Variants in LTBP1 observed in about 807,000 individuals in gnomAD.
LTBP1 encodes the protein latent-transforming growth factor beta-binding protein 1.
A neutral mutation model predicts 207.6 loss-of-function variants in LTBP1; 129 were observed. That is an observed-to-expected ratio of 0.62 (90% CI 0.54 to 0.72). The LOEUF is 0.72. Ranked by LOEUF, LTBP1 falls within the 30% of genes least tolerant of loss-of-function variation. The pLI is 0.00. For synonymous variants in LTBP1, 963 were observed against 833.7 expected (o/e 1.16, Z -2.67); for missense variants, 2,281 against 2,217.2 (o/e 1.03, Z -0.58).
rs1182795101 is a variant in LTBP1, at chr2:33,315,256, C to G, written c.3717C>G (p.Gly1239=). ...AGGGTTTCTCAATCTCTGCAGATGG[C>G]CGTACGTGTGAAGGTAAGATAAACC... ...CQQGFSISAD[G]RTCEDIDECV... Residue 1239 remains glycine, a synonymous_variant, in exon 24 of 34, where the codon GGC becomes GGG. Coordinates refer to ENST00000404816, the MANE Select transcript of LTBP1 (RefSeq NM_206943.4). The G allele has an allele frequency of 6.2e-7, 1 of 1,612,186 alleles. No individual in the cohort carries two copies. Among genetic ancestry groups the G allele is most frequent in the African/African-American group, 1.3e-5 (1 of 74,828 alleles).
intron 22 of LTBP1, among the ~76,000 whole-genome samples, chr2:33,305,584 CT>C (rs1435307268): frequency 6.6e-6 from 1 of 152,110 alleles, no homozygotes; most frequent in Middle Eastern, 3.2e-3. Context: ...GCACTTTCCA[CT>C]TTTGATGCCC....
intron 24 of LTBP1, among the ~76,000 whole-genome samples, chr2:33,326,100 G>A (rs552491017): frequency 1.1e-4 from 17 of 151,250 alleles, no homozygotes; most frequent in Admixed American, 9.9e-4. Context: ...ACAGTGTTTT[G>A]TGTTTCATTA....
At chr2:33,274,934 C>T in intron 16 of LTBP1, 31 bp from the exon 17 acceptor site, 1 of 1,608,992 alleles carries the variant, frequency 6.2e-7, no homozygotes, top group Non-Finnish European at 8.5e-7. Flanking sequence ...CTACACAGAA[C>T]TAATATTTTT....
At chr2:33,133,636 C>T (rs745848704) in intron 4 of LTBP1, among the ~76,000 whole-genome samples, 1 of 152,008 alleles carries the variant, frequency 6.6e-6, no homozygotes, top group Non-Finnish European at 1.5e-5. Context: ...GCAGTTCTGC[C>T]GTCATAGCAC....
chr2:33,265,086 C>T (rs1214124536), intron 15 of LTBP1, among the ~76,000 whole-genome samples: 1 of 152,160 alleles, frequency 6.6e-6, no homozygotes, highest in Non-Finnish European at 1.5e-5. Flanking sequence ...TTGAGCCCAG[C>T]ACCCAGCAGA....
intron 10 of LTBP1, among the ~76,000 whole-genome samples, chr2:33,247,931 A>C (rs2092562663): frequency 6.6e-6 from 1 of 152,220 alleles, no homozygotes; most frequent in African/African-American, 2.4e-5. Context: ...TTTTTTGCCC[A>C]TGGTAACATT....
intron 32 of LTBP1, among the ~76,000 whole-genome samples, chr2:33,392,243 G>A (rs995216140): frequency 1.1e-4 from 16 of 151,344 alleles, no homozygotes; most frequent in Non-Finnish European, 2.2e-4. Context: ...GGAGTGCAAC[G>A]GTGCAATCTT....
At chr2:33,191,498 CATGA>C (rs1174286778) in intron 7 of LTBP1, among the ~76,000 whole-genome samples, 1 of 152,192 alleles carries the variant, frequency 6.6e-6, no homozygotes, top group Non-Finnish European at 1.5e-5. Context: ...TCTTCCTGTT[CATGA>C]GGAATGTTGC....
intron 9 of LTBP1, among the ~76,000 whole-genome samples, chr2:33,227,909 A>G (rs1558848436): frequency 1.4e-5 from 2 of 143,748 alleles, no homozygotes; most frequent in African/African-American, 5.2e-5. Flanking sequence ...GATTCAAGCA[A>G]TTCTCCTGCC....
At chr2:32,984,823 T>C (rs1015145536) in intron 2 of LTBP1, among the ~76,000 whole-genome samples, 20 of 151,540 alleles carry the variant, frequency 1.3e-4, no homozygotes, top group African/African-American at 4.6e-4. Context: ...CCCAGCTACT[T>C]AGAAAGCTGA....
intron 20 of LTBP1, among the ~76,000 whole-genome samples, chr2:33,299,381 C>T (rs2093941337): frequency 2.0e-5 from 3 of 152,028 alleles, no homozygotes. Context: ...TGAAGAAAAC[C>T]ACAGTCATAC....
In LTBP1 at chr2:33,275,872, T is replaced by C. The variant is rs1349119438; in HGVS notation, c.2941T>C (p.Cys981Arg). 1 of 1,611,216 alleles carries C rather than the reference T, an allele frequency of 6.2e-7. No individual in the cohort carries two copies. The highest frequency in any genetic ancestry group is 1.7e-5 in the Admixed American group (1 of 59,624). The change falls in exon 18 of 34, where the codon TGT becomes CGT. Residue 981 changes from cysteine to arginine, a missense_variant. By Grantham distance (180) the Cys-to-Arg change is radical. This residue lies in a region of LTBP1 where 1,671 missense variants were observed against 1,634.8 expected (regional missense o/e 1.02). Transcript: ENST00000404816. ...HCVNTVGAFR[C>R]EYCDSGYRMT... ...TGTCAATACTGTGGGGGCCTTCCGG[T>C]GTGAATACTGTGACAGCGGGTACCG... is the stretch of plus-strand genomic sequence containing the variant.
chr2:33,291,881 TA>T (rs1221923869), intron 19 of LTBP1: 1 of 152,216 alleles, frequency 6.6e-6, no homozygotes, highest in Non-Finnish European at 1.5e-5. Flanking sequence ...CTTAAGAGGG[TA>T]GAAAGCTTTG....
chr2:33,318,649 T>C (rs904241530), intron 24 of LTBP1, among the ~76,000 whole-genome samples: 2 of 152,230 alleles, frequency 1.3e-5, no homozygotes, highest in African/African-American at 4.8e-5. Context: ...TCTGATTGAC[T>C]TCTGCTACAC....
intron 24 of LTBP1, among the ~76,000 whole-genome samples, chr2:33,336,848 A>G (rs1360585814): frequency 1.3e-5 from 2 of 152,230 alleles, no homozygotes; most frequent in East Asian, 3.8e-4. Flanking sequence ...AAAGAGCACC[A>G]AATCATTTTA....
At chr2:33,020,042 G>A (rs567141915) in intron 2 of LTBP1, among the ~76,000 whole-genome samples, 19 of 152,094 alleles carry the variant, frequency 1.2e-4, no homozygotes, top group African/African-American at 2.2e-4. Context: ...GTTTGGTCAG[G>A]AGTGTGGTGA....
intron 2 of LTBP1, among the ~76,000 whole-genome samples, chr2:32,979,295 T>C (rs1682383717): frequency 1.3e-5 from 2 of 152,028 alleles, no homozygotes; most frequent in African/African-American, 4.8e-5. Context: ...TTAGGTTGTT[T>C]ATTTAAAGTT....
intron 7 of LTBP1, among the ~76,000 whole-genome samples, chr2:33,212,966 G>A (rs1190354713): frequency 6.6e-6 from 1 of 152,184 alleles, no homozygotes; most frequent in Non-Finnish European, 1.5e-5. Flanking sequence ...CCTTCATCGT[G>A]CAACAGGCTT....
intron 7 of LTBP1, among the ~76,000 whole-genome samples, chr2:33,195,495 T>C (rs2088445396): frequency 6.6e-6 from 1 of 152,124 alleles, no homozygotes. Flanking sequence ...ATGGTGGAAA[T>C]AGCAAGAGAA....
Sources: allele counts gnomAD v4.1 joint callset (sites outside exome capture counted in the v4.1 genomes callset), GRCh38; gene constraint gnomAD v4.1.1; regional missense constraint gnomAD v4.1.1; transcripts MANE v1.5; gene names NCBI Gene and HGNC (gene_info 2026-07-23, HGNC 2026-07-21).